Variants in DMD observed in about 807,000 individuals in gnomAD.
DMD encodes dystrophin.
Under a neutral mutation model 330.1 loss-of-function variants are expected in DMD, and 63 were observed. The ratio of observed to expected loss-of-function variants is 0.19; its 90% CI spans 0.16 to 0.24. The LOEUF (loss-of-function observed/expected upper bound fraction) is 0.24, where lower values mean the gene tolerates loss of function less well. Ranked by LOEUF, DMD falls within the 10% of genes least tolerant of loss-of-function variation. The pLI is 1.00. For missense variants in DMD, 3,344 were observed against 2,684.1 expected (o/e 1.25, Z -5.43); for synonymous variants, 1,223 against 959.8 (o/e 1.27, Z -5.07).
At chrX:32,191,263 A>C (rs1254742020) in intron 44 of DMD, among the ~76,000 whole-genome samples, 1 of 111,964 alleles carries the variant, frequency 8.9e-6, no homozygotes, top group Non-Finnish European at 1.9e-5. Context: ...TGTCCGTAAC[A>C]GTCCTTCAAA....
chrX:31,528,106 T>C (rs2073383588), intron 55 of DMD, among the ~76,000 whole-genome samples: 1 of 111,891 alleles, frequency 8.9e-6, no homozygotes, highest in Admixed American at 9.5e-5. Context: ...AGGATAGGAA[T>C]TGAGGAAGGC....
Position 31,479,086 on chromosome X carries a change from C to T in DMD, c.8565G>A (p.Leu2855=). ...TCATGATTACAGGTTCTTTAGTTTTCAATTCCCTCTTGAAGGCCTGTGAAA... is the reference window on the plus strand; with the variant it reads ...TCATGATTACAGGTTCTTTAGTTTTTAATTCCCTCTTGAAGGCCTGTGAAA... ...NDVHRAFKRE[L]KTKEPVIMST... Residue 2855 remains leucine, a synonymous_variant, in exon 58 of 79, where the codon TTG becomes TTA. Coordinates refer to ENST00000357033, the MANE Select transcript of DMD (RefSeq NM_004006.3). The T allele has an allele frequency of 8.3e-7, 1 of 1,209,914 alleles. No individual in the cohort carries two copies. The highest frequency in any genetic ancestry group is 1.1e-6 in the Non-Finnish European group (1 of 894,406).
At chrX:32,905,495 A>C (rs1232312380) in intron 2 of DMD, among the ~76,000 whole-genome samples, 1 of 111,379 alleles carries the variant, frequency 9.0e-6, no homozygotes, top group Non-Finnish European at 1.9e-5. Flanking sequence ...CTTAGCATAA[A>C]CACCACCTCC....
intron 16 of DMD, among the ~76,000 whole-genome samples, chrX:32,563,602 A>C (rs1056096253): frequency 9.8e-5 from 11 of 111,717 alleles, no homozygotes; most frequent in African/African-American, 3.6e-4. Context: ...GTTGGAAGAC[A>C]TCACGTCAAT....
At chrX:31,695,518 A>G (rs2083401846) in intron 52 of DMD, among the ~76,000 whole-genome samples, 1 of 110,430 alleles carries the variant, frequency 9.1e-6, no homozygotes, top group South Asian at 3.8e-4. Context: ...GCCTATATCA[A>G]AACACCTCAT....
chrX:32,049,006 G>A (rs368603568), intron 44 of DMD, among the ~76,000 whole-genome samples: 2 of 111,176 alleles, frequency 1.8e-5, no homozygotes, highest in South Asian at 7.6e-4. Context: ...GTAGACTGCG[G>A]GATACTTGAG....
intron 60 of DMD, among the ~76,000 whole-genome samples, chrX:31,425,075 G>C (rs2063624442): frequency 8.9e-6 from 1 of 112,551 alleles, no homozygotes; most frequent in African/African-American, 3.2e-5. Flanking sequence ...TGATCACAAA[G>C]TCTTTCTATC....
rs145627324 is a variant in DMD at position 31,670,057 on chromosome X, T to A, written c.7872+9318A>T. Among the ~76,000 whole-genome samples the A allele has an allele frequency of 5.8e-3, 651 of 111,926 alleles. 5 individuals are homozygous for A. Among genetic ancestry groups the A allele is most frequent in the African/African-American group, 0.02 (620 of 30,878 alleles). Reference sequence around the variant, plus strand: ...TTTATTCCTAAGTTTTTAACATTTTTTGATGCCATTGTAAATATTTTCTTA... The same window carrying A: ...TTTATTCCTAAGTTTTTAACATTTTATGATGCCATTGTAAATATTTTCTTA... On this transcript the variant is annotated intron_variant, in intron 53 of 78. Coordinates refer to ENST00000357033, the MANE Select transcript of DMD (RefSeq NM_004006.3).
chrX:31,447,395 C>T (rs759349304), intron 59 of DMD, among the ~76,000 whole-genome samples: 13 of 107,761 alleles, frequency 1.2e-4, no homozygotes, highest in Admixed American at 4.1e-4. Flanking sequence ...TGATGGGAAC[C>T]TCTCACAGCC....
chrX:31,755,163 G>T (rs1167209866), intron 51 of DMD, among the ~76,000 whole-genome samples: 1 of 111,506 alleles, frequency 9.0e-6, no homozygotes, highest in African/African-American at 3.3e-5. Context: ...AACACTAGAG[G>T]CCTTGCTAAT....
At chrX:32,054,542 A>G (rs988403121) in intron 44 of DMD, among the ~76,000 whole-genome samples, 10 of 109,139 alleles carry the variant, frequency 9.2e-5, no homozygotes, top group Non-Finnish European at 1.9e-4. Flanking sequence ...AAAAATTCTA[A>G]TTGACCTGTG....
intron 1 of DMD, among the ~76,000 whole-genome samples, chrX:33,037,785 T>A (rs910254728): frequency 8.9e-6 from 1 of 112,232 alleles, no homozygotes; most frequent in Non-Finnish European, 1.9e-5. Context: ...AGAGGGAGCA[T>A]AGCTATTCCT....
chrX:31,316,090 G>A (rs761271738), intron 62 of DMD, among the ~76,000 whole-genome samples: 1 of 111,988 alleles, frequency 8.9e-6, no homozygotes, highest in Non-Finnish European at 1.9e-5. Context: ...AAGATAGAAC[G>A]GAATCTAGAA....
intron 12 of DMD, among the ~76,000 whole-genome samples, chrX:32,601,038 T>C (rs916855633): frequency 2.7e-5 from 3 of 111,031 alleles, no homozygotes; most frequent in African/African-American, 9.8e-5. Context: ...GATGGGGTGG[T>C]AGGTAATTTA....
At chrX:32,685,331 A>T (rs1289786945) in intron 9 of DMD, among the ~76,000 whole-genome samples, 1 of 111,830 alleles carries the variant, frequency 8.9e-6, no homozygotes, top group Non-Finnish European at 1.9e-5. Flanking sequence ...TTATAAAGTA[A>T]ATTTGAATGT....
chrX:31,328,248 A>ATGATGGTTAATTGTG (rs2056902599), intron 61 of DMD, among the ~76,000 whole-genome samples: 1 of 112,029 alleles, frequency 8.9e-6, no homozygotes, highest in African/African-American at 3.3e-5. Context: ...AATTCCTAGA[A>ATGATGGTTAATTGTG]GTATATTTAC....
chrX:32,475,567 C>T (rs1231271617), intron 21 of DMD, among the ~76,000 whole-genome samples: 1 of 110,798 alleles, frequency 9.0e-6, no homozygotes, highest in Non-Finnish European at 1.9e-5. Context: ...AGAGGTCTTT[C>T]GACTCCTTGG....
intron 59 of DMD, among the ~76,000 whole-genome samples, chrX:31,453,780 A>AAAAAAAAAAAAAAAC (rs1569543806): frequency 1.9e-5 from 2 of 104,364 alleles, no homozygotes; most frequent in Admixed American, 1.0e-4. Flanking sequence ...AAAAAAAAAA[A>AAAAAAAAAAAAAAAC]AAAAAAAAAA....
chrX:32,683,464 T>TA (rs2062589461), intron 9 of DMD, among the ~76,000 whole-genome samples: 1 of 108,539 alleles, frequency 9.2e-6, no homozygotes, highest in South Asian at 4.1e-4. Context: ...TATGCAGCCA[T>TA]AAAAAAGGAT....
Sources: allele counts gnomAD v4.1 joint callset (sites outside exome capture counted in the v4.1 genomes callset), GRCh38; gene constraint gnomAD v4.1.1; transcripts MANE v1.5; gene names NCBI Gene and HGNC (gene_info 2026-07-23, HGNC 2026-07-21).